TMEM132C: variants seen among roughly 807,000 people sequenced by gnomAD.
TMEM132C encodes transmembrane protein 132C.
A neutral mutation model predicts 61.4 loss-of-function variants in TMEM132C; 29 were observed. The ratio of observed to expected loss-of-function variants is 0.47; its 90% CI spans 0.35 to 0.64. The LOEUF (loss-of-function observed/expected upper bound fraction) is 0.64, where lower values mean the gene tolerates loss of function less well. Among genes scored for constraint, TMEM132C ranks in the 30% least tolerant of loss-of-function variants. The pLI, the probability that TMEM132C is intolerant of heterozygous loss-of-function variation, is 0.00. For synonymous variants in TMEM132C, 656 were observed against 633.1 expected, an observed-to-expected ratio of 1.04 and a Z score of -0.54; for missense variants, 1,408 against 1,476.9, an observed-to-expected ratio of 0.95 and a Z score of 0.76.
At chr12:128,411,560 C>G (rs917549172) in intron 1 of TMEM132C, among the ~76,000 whole-genome samples, 1 of 152,104 alleles carries the variant, frequency 6.6e-6, no homozygotes, top group Non-Finnish European at 1.5e-5. Context: ...TTCTAAGGGC[C>G]CTTCCTCTTT....
intron 1 of TMEM132C, among the ~76,000 whole-genome samples, chr12:128,314,383 G>A (rs984696291): frequency 6.6e-6 from 1 of 152,152 alleles, no homozygotes; most frequent in Admixed American, 6.5e-5. Context: ...AATTGCAGTT[G>A]AATGTGTCAT....
intron 3 of TMEM132C, among the ~76,000 whole-genome samples, chr12:128,547,018 G>T (rs560520260): frequency 2.6e-5 from 4 of 152,318 alleles, no homozygotes; most frequent in African/African-American, 9.6e-5. Flanking sequence ...CACCTTCCAA[G>T]ATTCCCAGGG....
At chr12:128,287,270 C>T (rs1236661633) in intron 1 of TMEM132C, among the ~76,000 whole-genome samples, 5 of 152,172 alleles carry the variant, frequency 3.3e-5, no homozygotes, top group Non-Finnish European at 5.9e-5. Flanking sequence ...AAATCCTGCC[C>T]ACTCTGTATA....
rs891270597 is a variant in TMEM132C, at chr12:128,326,364, G to A, written c.85+58877G>A. Among the ~76,000 whole-genome samples, 10 of 152,104 alleles carry A rather than the reference G, an allele frequency of 6.6e-5. No homozygotes were observed. The highest frequency in any genetic ancestry group is 5.9e-4 in the Admixed American group (9 of 15,274). On this transcript the variant is annotated intron_variant, in intron 1 of 8. Transcript: ENST00000435159. The surrounding 1 kb of genome is among the most constrained non-coding windows in gnomAD (Gnocchi z 5.6). ...CAAGTGTAGCAGGGTTTCACTTTTCGAGCTGCCAGATCTGCTGGAGAAAAT... is the reference window on the plus strand; with the variant it reads ...CAAGTGTAGCAGGGTTTCACTTTTCAAGCTGCCAGATCTGCTGGAGAAAAT...
chr12:128,616,767 G>T (rs1876815149), intron 4 of TMEM132C, among the ~76,000 whole-genome samples: 7 of 152,170 alleles, frequency 4.6e-5, no homozygotes, highest in Admixed American at 3.9e-4. Flanking sequence ...TGAACTCTCA[G>T]AGGCTGTCAC....
chr12:128,449,767 T>C (rs1381384292), intron 2 of TMEM132C, among the ~76,000 whole-genome samples: 2 of 152,234 alleles, frequency 1.3e-5, no homozygotes, highest in Non-Finnish European at 2.9e-5. Flanking sequence ...TCCTTAGCTA[T>C]GCAGTGATTA....
chr12:128,600,412 T>C (rs1267806704), intron 3 of TMEM132C, among the ~76,000 whole-genome samples: 4 of 152,236 alleles, frequency 2.6e-5, no homozygotes, highest in South Asian at 2.1e-4. Flanking sequence ...TCCCCAGCCA[T>C]GCTGAACTGT....
At chr12:128,637,828 C>T (rs983502544) in intron 4 of TMEM132C, among the ~76,000 whole-genome samples, 2 of 152,228 alleles carry the variant, frequency 1.3e-5, no homozygotes, top group African/African-American at 2.4e-5. Flanking sequence ...CAGAACAGAA[C>T]TTTGCTGAGT....
chr12:128,518,457 G>A (rs1872791652), intron 2 of TMEM132C, among the ~76,000 whole-genome samples: 1 of 152,174 alleles, frequency 6.6e-6, no homozygotes, highest in Admixed American at 6.5e-5. Flanking sequence ...GAGACTGAGG[G>A]TTGTTGTAGT....
At chr12:128,683,764 C>T (rs553992226) in intron 5 of TMEM132C, among the ~76,000 whole-genome samples, 5 of 151,996 alleles carry the variant, frequency 3.3e-5, no homozygotes, top group Non-Finnish European at 7.4e-5. Context: ...GTCAGGAGTT[C>T]GAGACCAGCC....
chr12:128,598,111 T>A (rs566315923), intron 3 of TMEM132C, among the ~76,000 whole-genome samples: 26 of 152,302 alleles, frequency 1.7e-4, no homozygotes, highest in African/African-American at 6.3e-4. Flanking sequence ...TTATTAAAAC[T>A]ATGTTTTTAA....
chr12:128,324,328 C>T (rs1872435921), intron 1 of TMEM132C, among the ~76,000 whole-genome samples: 2 of 152,168 alleles, frequency 1.3e-5, no homozygotes, highest in South Asian at 2.1e-4. Flanking sequence ...TAGTCTCCAC[C>T]GGCCTAAAAG....
chr12:128,563,428 A>G (rs1874589937), intron 3 of TMEM132C, among the ~76,000 whole-genome samples: 1 of 152,180 alleles, frequency 6.6e-6, no homozygotes, highest in Non-Finnish European at 1.5e-5. Context: ...ATGAGCAAGA[A>G]CCAGCACAAC....
At chr12:128,345,336 TTG>T (rs1873120862) in intron 1 of TMEM132C, among the ~76,000 whole-genome samples, 1 of 152,224 alleles carries the variant, frequency 6.6e-6, no homozygotes, top group South Asian at 2.1e-4. Flanking sequence ...TTCCATGTCT[TTG>T]CTATTGTGAA....
intron 1 of TMEM132C, among the ~76,000 whole-genome samples, chr12:128,334,074 C>G (rs1872733843): frequency 6.6e-6 from 1 of 152,044 alleles, no homozygotes; most frequent in African/African-American, 2.4e-5. Context: ...CGGATGCTCT[C>G]CCTTCTCTGG....
At chr12:128,531,586 C>T in intron 2 of TMEM132C, among the ~76,000 whole-genome samples, 1 of 152,282 alleles carries the variant, frequency 6.6e-6, no homozygotes, top group African/African-American at 2.4e-5. Flanking sequence ...CATGCGTGTG[C>T]ACACACACAG....
At chr12:128,294,009 T>G (rs1230049544) in intron 1 of TMEM132C, 1 of 154,658 alleles carries the variant, frequency 6.5e-6, no homozygotes, top group East Asian at 1.9e-4. Context: ...GGTGGTTGTG[T>G]CTGCTGGGGG....
intron 2 of TMEM132C, among the ~76,000 whole-genome samples, chr12:128,528,670 C>T (rs1231877956): frequency 6.6e-6 from 1 of 152,162 alleles, no homozygotes; most frequent in Non-Finnish European, 1.5e-5. Context: ...CATCACCTCC[C>T]AGCCTCCACC....
intron 2 of TMEM132C, among the ~76,000 whole-genome samples, chr12:128,496,314 G>C (rs1322476835): frequency 2.6e-5 from 4 of 151,966 alleles, no homozygotes; most frequent in Non-Finnish European, 5.9e-5. Flanking sequence ...ATGTGTCTTG[G>C]AGTTGCTCTT....
Sources: gnomAD v4.1 joint callset for allele counts (sites outside exome capture counted in the v4.1 genomes callset) on GRCh38, gnomAD v4.1.1 for gene constraint, Gnocchi (gnomAD v3.1) non-coding constraint, MANE v1.5 for transcripts, NCBI Gene and HGNC (gene_info 2026-07-23, HGNC 2026-07-21) for gene names.